Variants in ULK4 observed in about 807,000 individuals in gnomAD.
ULK4 encodes unc-51 like kinase 4.
ULK4 carries 133 observed loss-of-function variants against 160.6 expected under a neutral mutation model. The ratio of observed to expected loss-of-function variants is 0.83; its 90% confidence interval spans 0.72 to 0.96. The LOEUF is 0.96. Among genes scored for constraint, ULK4 ranks in the 40% least tolerant of loss-of-function variants. The probability of loss-of-function intolerance (pLI) is 0.00; values close to 1 mark genes in which losing one functional copy is unlikely to be tolerated. For missense variants in ULK4, 1,580 were observed against 1,499.5 expected (o/e 1.05, Z -0.89); for synonymous variants, 534 against 539.8 (o/e 0.99, Z 0.15).
intron 35 of ULK4, among the ~76,000 whole-genome samples, chr3:41,356,749 C>G (rs2081037676): frequency 6.6e-6 from 1 of 152,074 alleles, no homozygotes. Flanking sequence ...AAGACAGAAT[C>G]AGAGTGGAAG....
chr3:41,653,580 G>A (rs2034826293), intron 30 of ULK4, among the ~76,000 whole-genome samples: 1 of 152,162 alleles, frequency 6.6e-6, no homozygotes, highest in African/African-American at 2.4e-5. Flanking sequence ...CAATATTTCT[G>A]TGTTCACATG....
intron 18 of ULK4, among the ~76,000 whole-genome samples, chr3:41,824,863 C>A (rs906278565): frequency 6.6e-6 from 1 of 152,176 alleles, no homozygotes. Flanking sequence ...GGACAGACTG[C>A]CTCCTCAAGT....
chr3:41,340,900 G>A (rs2080668356), intron 35 of ULK4, among the ~76,000 whole-genome samples: 1 of 152,184 alleles, frequency 6.6e-6, no homozygotes, highest in East Asian at 1.9e-4. Flanking sequence ...AAATGGATGG[G>A]GTTGGGGTGG....
At chr3:41,546,187 T>G (rs1330894705) in intron 32 of ULK4, among the ~76,000 whole-genome samples, 1 of 152,124 alleles carries the variant, frequency 6.6e-6, no homozygotes, top group Non-Finnish European at 1.5e-5. Context: ...GAATAATATG[T>G]TGTGGGGAAT....
intron 35 of ULK4, among the ~76,000 whole-genome samples, chr3:41,306,484 G>GC (rs1400366459): frequency 9.7e-5 from 14 of 144,636 alleles, no homozygotes; most frequent in Admixed American, 6.1e-4. Context: ...GGGGGGGTCA[G>GC]CCCCCCGCCC....
chr3:41,670,052 T>C (rs905981042), intron 29 of ULK4, among the ~76,000 whole-genome samples: 2 of 152,180 alleles, frequency 1.3e-5, no homozygotes, highest in African/African-American at 2.4e-5. Context: ...CAGGTTAAAA[T>C]GTTTCTAAGC....
chr3:41,861,844 C>G (rs919223430), intron 17 of ULK4, among the ~76,000 whole-genome samples: 1 of 151,902 alleles, frequency 6.6e-6, no homozygotes, highest in African/African-American at 2.4e-5. Context: ...TTTTTTGAGA[C>G]AGGGTCTCAC....
At chr3:41,677,631 C>G (rs891131059) in intron 29 of ULK4, among the ~76,000 whole-genome samples, 3 of 151,810 alleles carry the variant, frequency 2.0e-5, no homozygotes, top group Non-Finnish European at 4.4e-5. Context: ...GCGCCCGGCC[C>G]CTAAAGTTCA....
chr3:41,597,183 T>C lies in ULK4; in HGVS notation c.3120+18486A>G, dbSNP rs372261457. ...CTCCCCACTCTGTGGTGGAGCATAA[T>C]GGAAAAATCTCAAAGTAAGTCCTTG... On this transcript the variant is annotated intron_variant, in intron 31 of 36. Coordinates refer to ENST00000301831, the MANE Select transcript of ULK4 (RefSeq NM_017886.4). Among the ~76,000 whole-genome samples, 10 of 152,208 alleles carry C rather than the reference T, an allele frequency of 6.6e-5. No homozygotes were observed. The East Asian group carries it at 1.4e-3, about 21-fold the overall frequency.
At chr3:41,453,320 TG>T (rs1361497077) in intron 34 of ULK4, among the ~76,000 whole-genome samples, 1 of 152,036 alleles carries the variant, frequency 6.6e-6, no homozygotes, top group East Asian at 1.9e-4. Context: ...GAACTACAGG[TG>T]TGCACCACCA....
At chr3:41,950,352 T>G (rs542642475) in intron 2 of ULK4, among the ~76,000 whole-genome samples, 308 of 152,298 alleles carry the variant, frequency 2.0e-3, no homozygotes, top group African/African-American at 7.1e-3. Flanking sequence ...GTGATTCTCC[T>G]GCCTCAGCCT....
intron 34 of ULK4, among the ~76,000 whole-genome samples, chr3:41,443,673 G>T (rs1425612052): frequency 1.3e-5 from 2 of 151,958 alleles, no homozygotes; most frequent in African/African-American, 4.8e-5. Context: ...TTAGAACCAT[G>T]CAAAGACTGT....
intron 32 of ULK4, among the ~76,000 whole-genome samples, chr3:41,508,750 G>A (rs912302862): frequency 2.6e-5 from 4 of 152,122 alleles, no homozygotes; most frequent in African/African-American, 9.7e-5. Context: ...GCTCTCAGGA[G>A]GCCCCATCCC....
chr3:41,366,548 T>TATAC lies in ULK4; in HGVS notation c.3678+31530_3678+31531insGTAT, dbSNP rs1553648975. Among the ~76,000 whole-genome samples the TATAC allele has an allele frequency of 3.4e-5, 5 of 148,786 alleles. No individual in the cohort carries two copies. The South Asian group carries it at 8.7e-4, about 26-fold the overall frequency. The stretch of plus-strand genomic sequence containing the variant: ...AACACCTGTATTTGGAAAATATGGC[T>TATAC]ACACACACACACACACACACACACA... On this transcript the variant is annotated intron_variant, in intron 35 of 36. Coordinates refer to ENST00000301831, the MANE Select transcript of ULK4 (RefSeq NM_017886.4).
rs78253180 is a variant in ULK4 at position 41,386,429 on chromosome 3, A to T, written c.3678+11650T>A. Reference sequence around the variant, plus strand: ...AGGTACTAATAATATCCCAGGTATAAGGATTAGGAATTCTTATGAAGTGGC... The same window carrying T: ...AGGTACTAATAATATCCCAGGTATATGGATTAGGAATTCTTATGAAGTGGC... On this transcript the variant is annotated intron_variant, in intron 35 of 36. Transcript: ENST00000301831. Among the ~76,000 whole-genome samples the T allele has an allele frequency of 6.7e-3, 1,015 of 152,252 alleles. 4 individuals are homozygous for T. The highest frequency in any genetic ancestry group is 0.015 in the African/African-American group (625 of 41,548).
At chr3:41,625,139 A>C (rs1286342032) in intron 30 of ULK4, among the ~76,000 whole-genome samples, 1 of 152,222 alleles carries the variant, frequency 6.6e-6, no homozygotes, top group East Asian at 1.9e-4. Context: ...CAATGAGATT[A>C]GTTTACTGGG....
chr3:41,831,531 A>ATATAAATT, intron 18 of ULK4, among the ~76,000 whole-genome samples: 2 of 138,066 alleles, frequency 1.4e-5, no homozygotes, highest in African/African-American at 5.7e-5. Flanking sequence ...ATATATATAT[A>ATATAAATT]TTTTTTTTTC....
At chr3:41,327,579 T>C (rs2125737058) in intron 35 of ULK4, among the ~76,000 whole-genome samples, 1 of 152,278 alleles carries the variant, frequency 6.6e-6, no homozygotes, top group East Asian at 1.9e-4. Flanking sequence ...AATAGGCCGG[T>C]AGTCACCTTT....
chr3:41,376,812 C>T lies in ULK4; in HGVS notation c.3678+21267G>A, dbSNP rs186660232. 6.7e-4 allele frequency among the ~76,000 whole-genome samples: 101 copies of T among 150,062 alleles called. 2 individuals carry two copies. Among genetic ancestry groups the T allele is most frequent in the Middle Eastern group, 3.4e-3 (1 of 294 alleles). On this transcript the variant is annotated intron_variant, in intron 35 of 36. Coordinates refer to ENST00000301831, the MANE Select transcript of ULK4 (RefSeq NM_017886.4). ...TGGCCATAATACCCAAGGTAATTTA[C>T]AGATTCAATGCCATCCCCAACAAGC...
Sources: allele counts gnomAD v4.1 joint callset (sites outside exome capture counted in the v4.1 genomes callset), GRCh38; gene constraint gnomAD v4.1.1; transcripts MANE v1.5; gene names NCBI Gene and HGNC (gene_info 2026-07-23, HGNC 2026-07-21).